FMN1: variants seen among roughly 807,000 people sequenced by gnomAD.
The protein encoded by FMN1 is formin 1, also known as formin-1.
A neutral mutation model predicts 132.4 loss-of-function variants in FMN1; 110 were observed. The ratio of observed to expected loss-of-function variants is 0.83; its 90% CI spans 0.71 to 0.97. The LOEUF (loss-of-function observed/expected upper bound fraction) is 0.97, where lower values mean the gene tolerates loss of function less well. FMN1 is among the 50% of genes least tolerant of loss of function. The pLI, the probability that FMN1 is intolerant of heterozygous loss-of-function variation, is 0.00. For missense variants in FMN1, 1,792 were observed against 1,705.3 expected, an observed-to-expected ratio of 1.05 and a Z score of -0.90; for synonymous variants, 722 against 651.7, an observed-to-expected ratio of 1.11 and a Z score of -1.64.
chr15:32,838,195 T>A (rs1437632552), intron 17 of FMN1, among the ~76,000 whole-genome samples: 1 of 151,108 alleles, frequency 6.6e-6, no homozygotes, highest in African/African-American at 2.4e-5. Context: ...GTGGAGGAGA[T>A]GCTGAGAGAA....
chr15:32,834,396 A>G (rs10438356), intron 17 of FMN1, among the ~76,000 whole-genome samples: 7,052 of 152,226 alleles, frequency 0.046, 531 homozygotes, highest in African/African-American at 0.16. Context: ...CCTTAATTAC[A>G]TATAACCATG....
Position 32,969,441 on chromosome 15 carries a change from C to G in FMN1, c.2260G>C (p.Glu754Gln). Residue 754 changes from glutamate (E) to glutamine (Q), a missense_variant, in exon 8 of 21, where the codon GAG becomes CAG. Glu to Gln is a conservative substitution (Grantham distance 29). Around this residue, in one of 3 missense-constraint regions of FMN1, gnomAD observed 1,150 missense variants for 1,043.1 expected, o/e 1.10. Transcript: ENST00000616417. ...FELRAFHIRGEHAMITARLEE... is the reference protein window; with the variant it reads ...FELRAFHIRGQHAMITARLEE... ...AGTCTCGCTGTTATCATTGCATGCT[C>G]GCCCCGGATATGAAATGCCCGAAGT... 6.2e-7 allele frequency: 1 copy of G among 1,613,858 alleles called. No homozygotes were observed. Among genetic ancestry groups the G allele is most frequent in the Non-Finnish European group, 8.5e-7 (1 of 1,179,854 alleles).
At chr15:32,802,589 C>T (rs552986261) in intron 18 of FMN1, among the ~76,000 whole-genome samples, 12 of 152,170 alleles carry the variant, frequency 7.9e-5, no homozygotes, top group South Asian at 2.1e-4. Context: ...CACAAAGCCA[C>T]GGAAAACGCT....
At chr15:33,024,744 A>T (rs1312504789) in intron 6 of FMN1, among the ~76,000 whole-genome samples, 1 of 152,236 alleles carries the variant, frequency 6.6e-6, no homozygotes, top group African/African-American at 2.4e-5. Context: ...AAGCATTTAC[A>T]CATTAATACA....
intron 3 of FMN1, among the ~76,000 whole-genome samples, chr15:33,155,631 A>T (rs1964640681): frequency 6.6e-6 from 1 of 152,218 alleles, no homozygotes. Context: ...AAATTTAAAT[A>T]ACTCAAGTCT....
intron 5 of FMN1, among the ~76,000 whole-genome samples, chr15:33,072,162 T>A (rs1164862122): frequency 6.6e-6 from 1 of 152,166 alleles, no homozygotes; most frequent in Non-Finnish European, 1.5e-5. Context: ...CAAAAAATAA[T>A]CTGTGCCAGA....
intron 19 of FMN1, among the ~76,000 whole-genome samples, chr15:32,778,702 T>C (rs1595892050): frequency 6.6e-6 from 1 of 152,134 alleles, no homozygotes; most frequent in Non-Finnish European, 1.5e-5. Flanking sequence ...TTATACACTG[T>C]TGATGTGATT....
At chr15:33,117,779 C>T (rs914257663) in intron 4 of FMN1, among the ~76,000 whole-genome samples, 2 of 152,108 alleles carry the variant, frequency 1.3e-5, no homozygotes, top group Admixed American at 1.3e-4. Context: ...AATATTGCCT[C>T]AAAGGAAGAA....
intron 17 of FMN1, among the ~76,000 whole-genome samples, chr15:32,824,659 T>C (rs2058320152): frequency 6.6e-6 from 1 of 152,156 alleles, no homozygotes; most frequent in South Asian, 2.1e-4. Flanking sequence ...AGTGGTGCAA[T>C]CAAGGCTCAC....
chr15:33,110,515 GT>G lies in FMN1; in HGVS notation c.1868-21542del, dbSNP rs771704148. 2.6e-5 allele frequency among the ~76,000 whole-genome samples: 4 copies of G among 152,046 alleles called. No individual in the cohort carries two copies. In the East Asian group the frequency reaches 7.7e-4, roughly 29 times the overall value. On this transcript the variant is annotated intron_variant, in intron 4 of 20. Coordinates refer to ENST00000616417, the MANE Select transcript of FMN1 (RefSeq NM_001277313.2). ...ATTTTTCTATAATGGCCATATAATA[GT>G]TTTGTAACAAAAAGGTAAAATTCTG...
At chr15:33,122,738 A>G (rs1283222930) in intron 4 of FMN1, among the ~76,000 whole-genome samples, 2 of 152,214 alleles carry the variant, frequency 1.3e-5, no homozygotes, top group Non-Finnish European at 2.9e-5. Flanking sequence ...TCAAAAAGCT[A>G]ATGATGTGTG....
At chr15:33,156,444 G>C (rs1389533035) in intron 3 of FMN1, among the ~76,000 whole-genome samples, 1 of 151,502 alleles carries the variant, frequency 6.6e-6, no homozygotes, top group Admixed American at 6.6e-5. Context: ...CCACCACCCA[G>C]CTAGTTTTTT....
chr15:33,035,258 G>GT (rs2141088814), intron 6 of FMN1, among the ~76,000 whole-genome samples: 1 of 152,270 alleles, frequency 6.6e-6, no homozygotes, highest in Admixed American at 6.5e-5. Flanking sequence ...TGATGTGACA[G>GT]TATCTGTGAT....
chr15:32,966,915 T>C (rs2031291558), intron 8 of FMN1, among the ~76,000 whole-genome samples: 1 of 152,192 alleles, frequency 6.6e-6, no homozygotes, highest in Non-Finnish European at 1.5e-5. Context: ...GCAGTAGTGC[T>C]AATAGGTACA....
At chr15:32,804,423 A>AAAGG (rs1567194214) in intron 17 of FMN1, 91 bp from the exon 18 acceptor site, 12 of 155,232 alleles carry the variant, frequency 7.7e-5, no homozygotes, top group Middle Eastern at 2.5e-3. Context: ...TCATTACCAC[A>AAAGG]GGAGGTCTGA....
intron 16 of FMN1, among the ~76,000 whole-genome samples, chr15:32,882,772 T>A (rs1341505545): frequency 6.6e-6 from 1 of 152,096 alleles, no homozygotes; most frequent in African/African-American, 2.4e-5. Context: ...TTGGGCCTCC[T>A]GAATTTTATT....
intron 5 of FMN1, among the ~76,000 whole-genome samples, chr15:33,077,788 A>C (rs2038277958): frequency 8.7e-6 from 1 of 115,302 alleles, no homozygotes; most frequent in Non-Finnish European, 2.0e-5. Flanking sequence ...ACTCAAACAA[A>C]TTTACAAAAA....
intron 19 of FMN1, among the ~76,000 whole-genome samples, chr15:32,797,128 A>G (rs1239858009): frequency 1.3e-5 from 2 of 152,244 alleles, no homozygotes; most frequent in Non-Finnish European, 2.9e-5. Context: ...TACCACCTCT[A>G]TGACAGACTC....
At chr15:33,151,497 T>G in intron 4 of FMN1, 1 of 963,546 alleles carries the variant, frequency 1.0e-6, no homozygotes, top group Non-Finnish European at 1.5e-6. Flanking sequence ...AGAAACTGAA[T>G]GTGCTCTGTG....
Sources: gnomAD v4.1 joint callset for allele counts (sites outside exome capture counted in the v4.1 genomes callset) on GRCh38, gnomAD v4.1.1 for gene constraint, gnomAD v4.1.1 regional missense constraint, MANE v1.5 for transcripts, NCBI Gene and HGNC (gene_info 2026-07-23, HGNC 2026-07-21) for gene names.